The following PTPRN2 variants were observed in gnomAD, a reference collection of about 807,000 sequenced individuals.
PTPRN2 encodes protein tyrosine phosphatase receptor type N2.
PTPRN2 carries 74 observed loss-of-function variants against 118.8 expected under a neutral mutation model. That is an observed-to-expected ratio of 0.62 (90% CI 0.52 to 0.76). The LOEUF (loss-of-function observed/expected upper bound fraction) is 0.76, where lower values mean the gene tolerates loss of function less well. Ranked by LOEUF, PTPRN2 falls within the 30% of genes least tolerant of loss-of-function variation. PTPRN2 has a pLI of 0.00. For synonymous variants in PTPRN2, 641 were observed against 608.0 expected, an observed-to-expected ratio of 1.05 and a Z score of -0.80; for missense variants, 1,481 against 1,394.4, an observed-to-expected ratio of 1.06 and a Z score of -0.99.
At chr7:158,280,794 A>G (rs1799371803) in intron 3 of PTPRN2, among the ~76,000 whole-genome samples, 1 of 152,244 alleles carries the variant, frequency 6.6e-6, no homozygotes. Context: ...AACTGTCTAA[A>G]GTAGAGAAAT....
intron 3 of PTPRN2, among the ~76,000 whole-genome samples, chr7:158,309,437 T>C (rs944429535): frequency 6.6e-6 from 1 of 152,204 alleles, no homozygotes; most frequent in African/African-American, 2.4e-5. Context: ...GCTTCCTTGC[T>C]CCTCAGGGCC....
At chr7:157,872,431 A>G (rs2015696) in intron 12 of PTPRN2, among the ~76,000 whole-genome samples, 13 of 118,918 alleles carry the variant, frequency 1.1e-4, no homozygotes, top group South Asian at 2.8e-4. Flanking sequence ...TCCCACACAC[A>G]CATACCCAGT....
chr7:157,738,248 A>G (rs1207414582), intron 12 of PTPRN2, among the ~76,000 whole-genome samples: 1 of 152,144 alleles, frequency 6.6e-6, no homozygotes, highest in Non-Finnish European at 1.5e-5. Flanking sequence ...GAAGGCTGAC[A>G]TTTCAACATT....
At chr7:158,433,947 G>A (rs1816400719) in intron 2 of PTPRN2, among the ~76,000 whole-genome samples, 1 of 151,998 alleles carries the variant, frequency 6.6e-6, no homozygotes. Context: ...TTGACAAATG[G>A]GGTATTTAGA....
In PTPRN2 at chr7:157,540,660, T is replaced by G. The variant is rs906122525; in HGVS notation, c.*54A>C. On this transcript the variant is annotated 3_prime_UTR_variant, in exon 23 of 23. Coordinates refer to ENST00000389418, the MANE Select transcript of PTPRN2 (RefSeq NM_002847.5). ...ACACACAATTAAAGTCAGATCATGA[T>G]TCCTGACAACATCCGTGGGGTGGGG... The G allele has an allele frequency of 3.6e-6, 5 of 1,405,922 alleles. No individual in the cohort carries two copies. The African/African-American group carries it at 7.2e-5, about 20-fold the overall frequency. 87.1% of individuals were successfully genotyped at this position (1,405,922 alleles called of 1,614,324 possible).
intron 9 of PTPRN2, among the ~76,000 whole-genome samples, chr7:158,118,499 TA>T (rs1816901589): frequency 6.6e-6 from 1 of 152,192 alleles, no homozygotes; most frequent in South Asian, 2.1e-4. Flanking sequence ...AAAAAATCCA[TA>T]ATGCACATAG....
chr7:158,273,553 CA>C lies in PTPRN2; in HGVS notation c.277+43265del, dbSNP rs1265374346. Reference sequence around the variant, plus strand: ...CCGCAGACACGGGGAGCCGCAGACACAGGGGGAGCCGCAGGCACAGGGGGAG... The same window carrying C: ...CCGCAGACACGGGGAGCCGCAGACACGGGGGAGCCGCAGGCACAGGGGGAG... On this transcript the variant is annotated intron_variant, in intron 3 of 22. Transcript: ENST00000389418. 4.2e-4 allele frequency among the ~76,000 whole-genome samples: 45 copies of C among 106,708 alleles called. 10 individuals are homozygous for C. The highest frequency in any genetic ancestry group is 1.9e-3 in the African/African-American group (43 of 22,710). 70.0% of individuals were successfully genotyped at this position (106,708 alleles called of 152,430 possible). A position where few individuals can be genotyped will look rare whatever the true frequency, so the allele number is the denominator to read the frequency against.
rs1184773006 is a variant in PTPRN2 at position 158,509,700 on chromosome 7, C to T, written c.113-19915G>A. On this transcript the variant is annotated intron_variant, in intron 1 of 22. Transcript: ENST00000389418. The surrounding 1 kb of genome is among the most constrained non-coding windows in gnomAD (Gnocchi z 4.4). ...GCAGAAGAGACCACACGTCTGTCAGCGCCCACAGGCAGGTGGCCCAGGGGA... is the reference window on the plus strand; with the variant it reads ...GCAGAAGAGACCACACGTCTGTCAGTGCCCACAGGCAGGTGGCCCAGGGGA... 1.3e-5 allele frequency among the ~76,000 whole-genome samples: 2 copies of T among 152,240 alleles called. No individual in the cohort carries two copies. Among genetic ancestry groups the T allele is most frequent in the Non-Finnish European group, 2.9e-5 (2 of 68,048 alleles).
intron 12 of PTPRN2, among the ~76,000 whole-genome samples, chr7:157,817,148 C>T (rs566054184): frequency 2.6e-5 from 4 of 152,366 alleles, no homozygotes; most frequent in South Asian, 2.1e-4. Flanking sequence ...GCTGCTTACG[C>T]GTCACACCAG....
intron 12 of PTPRN2, among the ~76,000 whole-genome samples, chr7:157,757,467 C>T (rs951166232): frequency 2.6e-5 from 4 of 152,118 alleles, no homozygotes; most frequent in African/African-American, 9.7e-5. Context: ...AGGACCCCGG[C>T]AGGCGCGGGC....
chr7:158,328,455 G>T (rs1211223476), intron 2 of PTPRN2, among the ~76,000 whole-genome samples: 2 of 152,232 alleles, frequency 1.3e-5, no homozygotes, highest in Non-Finnish European at 2.9e-5. Flanking sequence ...CTGACAGGCA[G>T]CAGAAGGCAG....
intron 2 of PTPRN2, among the ~76,000 whole-genome samples, chr7:158,419,387 T>G (rs5009494): frequency 8.9e-4 from 3 of 3,386 alleles, no homozygotes; most frequent in Non-Finnish European, 1.3e-3. Flanking sequence ...CAAGAATTCC[T>G]TCACTGCAAG....
At chr7:157,675,404 G>T (rs1255277027) in intron 13 of PTPRN2, among the ~76,000 whole-genome samples, 1 of 152,174 alleles carries the variant, frequency 6.6e-6, no homozygotes, top group Non-Finnish European at 1.5e-5. Context: ...CCACACAGGG[G>T]CTCACCCGGG....
At chr7:158,273,392 GCAGACACGGGAGGAGCCGCAGA>G (rs1446815398) in intron 3 of PTPRN2, among the ~76,000 whole-genome samples, 3 of 143,652 alleles carry the variant, frequency 2.1e-5, no homozygotes, top group South Asian at 2.1e-4. Context: ...CGTCGTGGAT[GCAGACACGGGAGGAGCCGCAGA>G]CAGACGCGGG....
At chr7:158,400,613 T>C (rs887923964) in intron 2 of PTPRN2, among the ~76,000 whole-genome samples, 2 of 152,136 alleles carry the variant, frequency 1.3e-5, no homozygotes, top group Non-Finnish European at 2.9e-5. Flanking sequence ...ACGATTCTCC[T>C]TGGGGTGAAA....
At position 157,568,963 on chromosome 7, in the gene PTPRN2, G is replaced by A. The variant is rs1799625316; in HGVS notation, c.2841C>T (p.Asp947=). The change falls in exon 21 of 23, where the codon GAC becomes GAT. Residue 947 remains aspartate (D), a synonymous_variant. Transcript: ENST00000389418. The part of the protein sequence containing the change: ...RSCPIIVHCS[D]GAGRSGTYVL... ...CGTAGGTGCCGCTCCGGCCTGCACC[G>A]TCACTGCCAACAGAAGGAGAGAAAT... 3 of 1,566,642 alleles carry A rather than the reference G, an allele frequency of 1.9e-6. No individual in the cohort carries two copies. Among genetic ancestry groups the A allele is most frequent in the Admixed American group, 1.7e-5 (1 of 59,936 alleles).
intron 12 of PTPRN2, chr7:157,863,452 G>C (rs1481261847): frequency 6.6e-6 from 1 of 152,228 alleles, no homozygotes; most frequent in Non-Finnish European, 1.5e-5. Flanking sequence ...CTACTAGCTC[G>C]GGGTGTGAAG....
intron 11 of PTPRN2, among the ~76,000 whole-genome samples, chr7:158,026,516 T>G (rs1239676101): frequency 2.0e-5 from 3 of 152,216 alleles, no homozygotes; most frequent in African/African-American, 4.8e-5. Flanking sequence ...AATTATTCTT[T>G]TTACTCAAAT....
intron 6 of PTPRN2, among the ~76,000 whole-genome samples, chr7:158,145,431 C>A (rs183828804): frequency 2.6e-5 from 4 of 152,238 alleles, no homozygotes; most frequent in African/African-American, 9.6e-5. Flanking sequence ...CCACACTCAA[C>A]CATATGAACA....
Sources: gnomAD v4.1 joint callset for allele counts (sites outside exome capture counted in the v4.1 genomes callset) on GRCh38, gnomAD v4.1.1 for gene constraint, Gnocchi (gnomAD v3.1) non-coding constraint, MANE v1.5 for transcripts, NCBI Gene and HGNC (gene_info 2026-07-23, HGNC 2026-07-21) for gene names.